The following OR3A3 variants were observed in gnomAD, a reference collection of about 807,000 sequenced individuals.
The protein encoded by OR3A3 is olfactory receptor 3A3.
For missense variants in OR3A3, 275 were observed against 391.4 expected, an observed-to-expected ratio of 0.70 and a Z score of 2.51; for synonymous variants, 103 against 163.9, an observed-to-expected ratio of 0.63 and a Z score of 2.84.
chr17:3,414,974 T>C (rs1204799694), intron 2 of OR3A3, among the ~76,000 whole-genome samples: 1 of 152,190 alleles, frequency 6.6e-6, no homozygotes, highest in African/African-American at 2.4e-5. Context: ...ACCCATTATA[T>C]TACTACCACT....
intron 2 of OR3A3, among the ~76,000 whole-genome samples, chr17:3,417,123 C>T (rs1264239338): frequency 6.6e-6 from 1 of 151,726 alleles, no homozygotes; most frequent in Non-Finnish European, 1.5e-5. Flanking sequence ...GATTAGATCA[C>T]TTAGTTAAGG....
chr17:3,413,421 T>C (rs935224707), intron 2 of OR3A3, among the ~76,000 whole-genome samples: 2 of 152,240 alleles, frequency 1.3e-5, no homozygotes, highest in African/African-American at 4.8e-5. Context: ...ACCTACCCAC[T>C]GATTTGCCAA....
chr17:3,416,098 C>T (rs987344947), intron 2 of OR3A3, among the ~76,000 whole-genome samples: 4 of 151,930 alleles, frequency 2.6e-5, no homozygotes, highest in Non-Finnish European at 5.9e-5. Context: ...AGATGTGAGC[C>T]ACTGCACCTG....
rs957073001 is a variant in OR3A3 at position 3,423,001 on chromosome 17, T to C, written c.*1468T>C. On this transcript the variant is annotated 3_prime_UTR_variant, in exon 3 of 3. Coordinates refer to ENST00000641141, the Ensembl canonical transcript of OR3A3. ...GAAGTATGTCTCTTACCTGATGCTC[T>C]TGGGTGTCCAGACACTTTAACGTTA... The C allele has an allele frequency of 9.2e-5, 14 of 152,232 alleles. 1 individual carries two copies. Among genetic ancestry groups the C allele is most frequent in the Admixed American group, 9.2e-4 (14 of 15,284 alleles). The allele number at this position is 152,232 out of a possible 1,614,324, so 9.4% of individuals were successfully genotyped here.
chr17:3,415,145 T>C (rs2072382923), intron 2 of OR3A3, among the ~76,000 whole-genome samples: 1 of 152,148 alleles, frequency 6.6e-6, no homozygotes, highest in South Asian at 2.1e-4. Context: ...TTTCTGTTAA[T>C]GTGAATTTTT....
chr17:3,421,798 T>C (rs2072437114), exon 3 of OR3A3: 1 of 371,198 alleles, frequency 2.7e-6, no homozygotes. Flanking sequence ...GCAAATCACA[T>C]GCTATAAAGG....
At chr17:3,413,838 C>CAAAAAAAAAAAAAAAAAA (rs1361048923) in intron 2 of OR3A3, among the ~76,000 whole-genome samples, 1 of 140,360 alleles carries the variant, frequency 7.1e-6, no homozygotes, top group Non-Finnish European at 1.5e-5. Context: ...AACAAAAAAA[C>CAAAAAAAAAAAAAAAAAA]AAAAAACAAA....
intron 2 of OR3A3, among the ~76,000 whole-genome samples, chr17:3,418,964 C>T (rs1035322477): frequency 6.6e-5 from 10 of 152,166 alleles, no homozygotes; most frequent in Non-Finnish European, 1.5e-4. Flanking sequence ...GAATGAAGGA[C>T]AAGTAGAAGA....
chr17:3,417,161 A>C (rs56858482), intron 2 of OR3A3, among the ~76,000 whole-genome samples: 23 of 152,282 alleles, frequency 1.5e-4, no homozygotes, highest in African/African-American at 5.3e-4. Flanking sequence ...ACCACAAACA[A>C]CCTGTTCTCA....
exon 3 of OR3A3, chr17:3,421,508 T>C (rs781181015): frequency 6.5e-7 from 1 of 1,535,072 alleles, no homozygotes. Flanking sequence ...TGTCAGCTAC[T>C]TGTGGGGAAG....
chr17:3,423,204 T>G (rs2072447794), exon 3 of OR3A3: 1 of 152,178 alleles, frequency 6.6e-6, no homozygotes, highest in African/African-American at 2.4e-5. Context: ...TATCCACGGT[T>G]CCTCACATTT....
chr17:3,417,262 T>C (rs1366749740), intron 2 of OR3A3, among the ~76,000 whole-genome samples: 2 of 152,174 alleles, frequency 1.3e-5, no homozygotes, highest in African/African-American at 4.8e-5. Flanking sequence ...TTTCTTATTC[T>C]AAATTCATGA....
At chr17:3,421,525 C>G (rs144057641) in exon 3 of OR3A3, 7 of 1,524,728 alleles carry the variant, frequency 4.6e-6, no homozygotes, top group Non-Finnish European at 6.2e-6. Flanking sequence ...GAAGCGATCA[C>G]TGACCTGAGA....
chr17:3,422,825 T>C (rs1387533627), exon 3 of OR3A3: 1 of 152,282 alleles, frequency 6.6e-6, no homozygotes, highest in Non-Finnish European at 1.5e-5. Context: ...GAAGACAAGA[T>C]GTGAGAGTGG....
Position 3,419,982 on chromosome 17 carries a change from T to A in OR3A3, c.-6-598T>A, listed in dbSNP as rs376564829. Among the ~76,000 whole-genome samples the A allele has an allele frequency of 9.2e-5, 14 of 152,248 alleles. No homozygotes were observed. The South Asian group carries it at 2.9e-3, about 32-fold the overall frequency. ...CGGGGTTTCGCTGTGTTAGCCAGGATGGTCTCAATCTCCTGACCTCGTGAT... is the reference window on the plus strand; with the variant it reads ...CGGGGTTTCGCTGTGTTAGCCAGGAAGGTCTCAATCTCCTGACCTCGTGAT... On this transcript the variant is annotated intron_variant, in intron 2 of 2. Transcript: ENST00000641141.
At chr17:3,418,929 A>C (rs572866608) in intron 2 of OR3A3, among the ~76,000 whole-genome samples, 1 of 152,300 alleles carries the variant, frequency 6.6e-6, no homozygotes. Context: ...ATAGCCTTAG[A>C]GTCATTGGTC....
exon 3 of OR3A3, chr17:3,422,519 C>A (rs1470075973): frequency 6.6e-6 from 1 of 152,234 alleles, no homozygotes; most frequent in Admixed American, 6.5e-5. Flanking sequence ...TGAAAATACA[C>A]ACCCATAAAT....
chr17:3,415,817 A>T (rs1033981343), intron 2 of OR3A3, among the ~76,000 whole-genome samples: 121 of 140,712 alleles, frequency 8.6e-4, no homozygotes, highest in African/African-American at 3.2e-3. Flanking sequence ...TATTATTATT[A>T]TTATTATTAT....
Position 3,421,645 on chromosome 17 carries a change from G to T in OR3A3, c.*112G>T, listed in dbSNP as rs190327451. 54 of 1,220,754 alleles carry T rather than the reference G, an allele frequency of 4.4e-5. 1 individual carries two copies. In the Admixed American group the frequency reaches 8.1e-4, roughly 18 times the overall value. 75.6% of individuals were successfully genotyped at this position (1,220,754 alleles called of 1,614,324 possible). A position where few individuals can be genotyped will look rare whatever the true frequency, so the allele number is the denominator to read the frequency against. The stretch of plus-strand genomic sequence containing the variant: ...TTCTATCTCCTGATGCCTGAGGAGT[G>T]GTGTTATGTGTTTGGCCTACAAGGA... On this transcript the variant is annotated 3_prime_UTR_variant, in exon 3 of 3. Coordinates refer to ENST00000641141, the Ensembl canonical transcript of OR3A3.
Sources: gnomAD v4.1 joint callset for allele counts (sites outside exome capture counted in the v4.1 genomes callset) on GRCh38, gnomAD v4.1.1 for gene constraint, MANE v1.5 for transcripts, NCBI Gene and HGNC (gene_info 2026-07-23, HGNC 2026-07-21) for gene names.